SLC5A11: variants seen among roughly 807,000 people sequenced by gnomAD.
SLC5A11 encodes sodium/myo-inositol cotransporter 2.
A neutral mutation model predicts 69.8 loss-of-function variants in SLC5A11; 48 were observed. That is an observed-to-expected ratio of 0.69 (90% confidence interval 0.55 to 0.87). The LOEUF (loss-of-function observed/expected upper bound fraction) is 0.87. Among genes scored for constraint, SLC5A11 ranks in the 40% least tolerant of loss-of-function variants. The pLI, the probability that SLC5A11 is intolerant of heterozygous loss-of-function variation, is 0.00. For synonymous variants in SLC5A11, 319 were observed against 342.4 expected, an observed-to-expected ratio of 0.93 and a Z score of 0.75; for missense variants, 784 against 866.1, an observed-to-expected ratio of 0.91 and a Z score of 1.19.
chr16:24,896,726 G>A (rs1015737487), intron 9 of SLC5A11, among the ~76,000 whole-genome samples: 1 of 152,150 alleles, frequency 6.6e-6, no homozygotes, highest in African/African-American at 2.4e-5. Context: ...AGATAGGCGG[G>A]AAGTGGGGAG....
intron 10 of SLC5A11, among the ~76,000 whole-genome samples, chr16:24,899,446 C>T (rs1385547310): frequency 6.6e-6 from 1 of 151,892 alleles, no homozygotes; most frequent in Non-Finnish European, 1.5e-5. Context: ...ACTCTGTTGC[C>T]AGGCTGGAGT....
At chr16:24,899,215 T>G (rs963519853) in intron 10 of SLC5A11, among the ~76,000 whole-genome samples, 7 of 152,182 alleles carry the variant, frequency 4.6e-5, no homozygotes, top group African/African-American at 1.7e-4. Flanking sequence ...GCAAGTCCTA[T>G]AGGTATCCCA....
At chr16:24,899,059 C>T (rs971902718) in intron 10 of SLC5A11, among the ~76,000 whole-genome samples, 4 of 152,164 alleles carry the variant, frequency 2.6e-5, no homozygotes, top group African/African-American at 9.7e-5. Flanking sequence ...CTCAAGCGAT[C>T]CTCCTGCCTT....
At chr16:24,868,946 C>G (rs552397133) in intron 3 of SLC5A11, among the ~76,000 whole-genome samples, 1 of 150,920 alleles carries the variant, frequency 6.6e-6, no homozygotes, top group African/African-American at 2.4e-5. Context: ...CGGCTCGTTG[C>G]AACCTCCACC....
chr16:24,867,888 G>A (rs2047012975), intron 3 of SLC5A11, among the ~76,000 whole-genome samples: 2 of 152,052 alleles, frequency 1.3e-5, no homozygotes, highest in Admixed American at 1.3e-4. Context: ...TGTAATCCTA[G>A]CACTTTGGGA....
chr16:24,891,151 T>C (rs896245374), intron 9 of SLC5A11, 77 bp downstream of exon 10: 55 of 1,393,920 alleles, frequency 3.9e-5, no homozygotes, highest in Non-Finnish European at 5.4e-5. Context: ...GGTGCTTTTT[T>C]CTTCCTCCAT....
chr16:24,882,539 C>G (rs2048114338), intron 7 of SLC5A11, among the ~76,000 whole-genome samples: 1 of 152,178 alleles, frequency 6.6e-6, no homozygotes, highest in Non-Finnish European at 1.5e-5. Flanking sequence ...AGTGTCCCTT[C>G]TCCTCAGGGA....
intron 2 of SLC5A11, 70 bp from the exon 4 acceptor site, chr16:24,862,531 C>T (rs1054491428): frequency 1.5e-6 from 2 of 1,346,392 alleles, no homozygotes; most frequent in African/African-American, 2.9e-5. Flanking sequence ...CCCTGCCTGG[C>T]CTAGGCCATT....
intron 3 of SLC5A11, among the ~76,000 whole-genome samples, chr16:24,868,459 C>T (rs930623927): frequency 8.7e-5 from 13 of 150,236 alleles, no homozygotes; most frequent in South Asian, 2.1e-4. Context: ...ATTAGCCGGG[C>T]GTGGTGGCGG....
At chr16:24,895,353 G>A (rs1458403703) in intron 9 of SLC5A11, among the ~76,000 whole-genome samples, 1 of 151,776 alleles carries the variant, frequency 6.6e-6, no homozygotes, top group African/African-American at 2.4e-5. Context: ...GCCGGGCATG[G>A]TGGCAGGATC....
chr16:24,869,787 C>T (rs2047153870), intron 3 of SLC5A11, 114 bp from the exon 5 acceptor site: 4 of 699,056 alleles, frequency 5.7e-6, no homozygotes, highest in Non-Finnish European at 9.9e-6. Flanking sequence ...TAGGGGTGGC[C>T]CTGCCTTCCT....
At chr16:24,851,658 C>A (rs1337735332) in intron 1 of SLC5A11, among the ~76,000 whole-genome samples, 1 of 152,184 alleles carries the variant, frequency 6.6e-6, no homozygotes, top group East Asian at 1.9e-4. Context: ...GGGAACAGAA[C>A]AAGTACTCTG....
intron 10 of SLC5A11, among the ~76,000 whole-genome samples, chr16:24,905,618 T>C (rs111943738): frequency 6.9e-6 from 1 of 144,448 alleles, no homozygotes; most frequent in South Asian, 2.3e-4. Context: ...CAAGACCCCA[T>C]CTCAAAAACA....
chr16:24,893,602 G>A (rs1461320764), intron 9 of SLC5A11, among the ~76,000 whole-genome samples: 1 of 151,600 alleles, frequency 6.6e-6, no homozygotes, highest in Non-Finnish European at 1.5e-5. Context: ...ACAGAGTCTC[G>A]CTCTGTTGCC....
chr16:24,851,981 C>T (rs973985637), intron 1 of SLC5A11, among the ~76,000 whole-genome samples: 6 of 150,448 alleles, frequency 4.0e-5, no homozygotes, highest in Admixed American at 1.3e-4. Context: ...CTCTCTCTCT[C>T]TCTCTCTCTC....
At chr16:24,874,232 T>TGCATGG (rs1173866660) in intron 5 of SLC5A11, among the ~76,000 whole-genome samples, 1 of 152,242 alleles carries the variant, frequency 6.6e-6, no homozygotes, top group African/African-American at 2.4e-5. Context: ...CATTCTGTTG[T>TGCATGG]GCATGGGCGT....
At chr16:24,902,959 A>G (rs1244375530) in intron 10 of SLC5A11, among the ~76,000 whole-genome samples, 1 of 152,232 alleles carries the variant, frequency 6.6e-6, no homozygotes, top group Non-Finnish European at 1.5e-5. Flanking sequence ...ATACTCTATC[A>G]TATGATACAA....
Position 24,898,190 on chromosome 16 carries a change from C to G in SLC5A11, c.1006+81C>G. ...ATTATTCTAAACATATTATTAGAAG[C>G]CTCAAGAGAATGTGACTACAGTCCT... On this transcript the variant is annotated intron_variant, in intron 10 of 15. Coordinates refer to ENST00000347898, the Ensembl canonical transcript of SLC5A11. 6 of 1,503,998 alleles carry G rather than the reference C, an allele frequency of 4.0e-6. No homozygotes were observed. In the South Asian group the frequency reaches 7.7e-5, roughly 19 times the overall value. The allele number at this position is 1,503,998 out of a possible 1,614,324, so 93.2% of individuals were successfully genotyped here. A position where few individuals can be genotyped will look rare whatever the true frequency, so the allele number is the denominator to read the frequency against.
rs2046805719 is a variant in SLC5A11 at position 24,864,633 on chromosome 16, A to G, written c.207+1961A>G. Among the ~76,000 whole-genome samples the G allele has an allele frequency of 2.0e-5, 3 of 152,320 alleles. No individual in the cohort carries two copies. The South Asian group carries it at 6.2e-4, about 32-fold the overall frequency. ...GTATGGTCCATACACAGGGGAGAAAAAGCAGTCAATAGAAAGTGTCCCTGA... is the reference window on the plus strand; with the variant it reads ...GTATGGTCCATACACAGGGGAGAAAGAGCAGTCAATAGAAAGTGTCCCTGA... On this transcript the variant is annotated intron_variant, in intron 3 of 15. Transcript: ENST00000347898.
Sources: allele counts gnomAD v4.1 joint callset (sites outside exome capture counted in the v4.1 genomes callset), GRCh38; gene constraint gnomAD v4.1.1; transcripts MANE v1.5; gene names NCBI Gene and HGNC (gene_info 2026-07-23, HGNC 2026-07-21).